Variants in ENAH observed in about 807,000 individuals in gnomAD.
ENAH encodes the protein ENAH actin regulator.
In ENAH, 23 loss-of-function variants were observed where a neutral mutation model predicts 78.7. The observed-to-expected ratio is 0.29, with a 90% CI of 0.21 to 0.41. The LOEUF (loss-of-function observed/expected upper bound fraction) is 0.41. Among genes scored for constraint, ENAH ranks in the 10% least tolerant of loss-of-function variants. The probability of loss-of-function intolerance (pLI) is 1.00; values close to 1 mark genes in which losing one functional copy is unlikely to be tolerated. For missense variants in ENAH, 544 were observed against 691.0 expected, an observed-to-expected ratio of 0.79 and a Z score of 2.39; for synonymous variants, 226 against 241.0, an observed-to-expected ratio of 0.94 and a Z score of 0.58.
chr1:225,643,465 C>G (rs1661439750), intron 1 of ENAH, among the ~76,000 whole-genome samples: 1 of 151,598 alleles, frequency 6.6e-6, no homozygotes, highest in South Asian at 2.1e-4. Flanking sequence ...AAAACAGTAT[C>G]AGATATGTAC....
intron 1 of ENAH, chr1:225,652,286 C>A (rs1427143310): frequency 1.0e-6 from 1 of 965,740 alleles, no homozygotes; most frequent in African/African-American, 1.8e-5. Context: ...GGCAAAAGTG[C>A]ATGAAATTTT....
intron 1 of ENAH, among the ~76,000 whole-genome samples, chr1:225,596,468 TAGG>T (rs1266389029): frequency 1.3e-5 from 2 of 152,030 alleles, no homozygotes; most frequent in Non-Finnish European, 2.9e-5. Flanking sequence ...ATTACAAAAC[TAGG>T]AGGACCACAT....
intron 1 of ENAH, among the ~76,000 whole-genome samples, chr1:225,606,953 T>C (rs2096959213): frequency 6.6e-6 from 1 of 151,834 alleles, no homozygotes; most frequent in Non-Finnish European, 1.5e-5. Context: ...CCCAAGGTCC[T>C]GAATAATGCA....
chr1:225,608,956 G>A (rs1313117810), intron 1 of ENAH, among the ~76,000 whole-genome samples: 1 of 151,446 alleles, frequency 6.6e-6, no homozygotes, highest in Admixed American at 6.6e-5. Context: ...ACCTTGACTT[G>A]TAAATACAGC....
chr1:225,520,930 G>A (rs531305388), intron 4 of ENAH, among the ~76,000 whole-genome samples: 12 of 658 alleles, frequency 0.018, no homozygotes, highest in African/African-American at 0.023. Flanking sequence ...GGAAGGGAGG[G>A]AGGGAGGGAG....
At chr1:225,553,584 AAAAG>A (rs966455152) in intron 3 of ENAH, among the ~76,000 whole-genome samples, 1 of 152,192 alleles carries the variant, frequency 6.6e-6, no homozygotes, top group Non-Finnish European at 1.5e-5. Context: ...GAAAAAAAAA[AAAAG>A]AATCACAATT....
chr1:225,592,069 G>A (rs1575640512), intron 1 of ENAH, among the ~76,000 whole-genome samples: 1 of 152,124 alleles, frequency 6.6e-6, no homozygotes, highest in Non-Finnish European at 1.5e-5. Context: ...TGTACATGAA[G>A]CATTCAAGTA....
intron 2 of ENAH, among the ~76,000 whole-genome samples, chr1:225,565,116 AT>A (rs2096728103): frequency 6.6e-6 from 1 of 152,146 alleles, no homozygotes; most frequent in African/African-American, 2.4e-5. Context: ...AAATTTTGGT[AT>A]TTCATATGCA....
intron 5 of ENAH, among the ~76,000 whole-genome samples, chr1:225,518,249 A>T (rs1266879821): frequency 6.6e-6 from 1 of 152,262 alleles, no homozygotes; most frequent in Non-Finnish European, 1.5e-5. Context: ...TTAATTGACT[A>T]ATTTCTTTTA....
At position 225,535,773 on chromosome 1, in the gene ENAH, G is replaced by A. The variant is rs1330979608; in HGVS notation, c.350-5135C>T. ...AAAATTTATGCAATCGTTTTTTGGT[G>A]GAAAAACCCTGTAAGCAGCCATAGA... On this transcript the variant is annotated intron_variant, in intron 3 of 13. Coordinates refer to ENST00000366843, the MANE Select transcript of ENAH (RefSeq NM_018212.6). Among the ~76,000 whole-genome samples the A allele has an allele frequency of 4.0e-4, 61 of 151,994 alleles. 1 individual carries two copies. Among genetic ancestry groups the A allele is most frequent in the Non-Finnish European group, 4.4e-5 (3 of 67,982 alleles).
chr1:225,622,632 C>T (rs1402515124), intron 1 of ENAH, among the ~76,000 whole-genome samples: 1 of 152,096 alleles, frequency 6.6e-6, no homozygotes, highest in Non-Finnish European at 1.5e-5. Context: ...TCATGGATGG[C>T]ACCTTCTATT....
chr1:225,510,913 T>TG (rs1180108431), intron 10 of ENAH, among the ~76,000 whole-genome samples: 2 of 151,664 alleles, frequency 1.3e-5, no homozygotes, highest in African/African-American at 2.4e-5. Context: ...CTTAGGGGGC[T>TG]GGGGGGCTAA....
intron 1 of ENAH, among the ~76,000 whole-genome samples, chr1:225,616,197 G>T (rs997801994): frequency 6.6e-6 from 1 of 151,806 alleles, no homozygotes; most frequent in Non-Finnish European, 1.5e-5. Flanking sequence ...ACTGCGGAAG[G>T]CCGCAGGGTC....
intron 1 of ENAH, chr1:225,581,439 G>T: frequency 5.5e-6 from 1 of 180,602 alleles, no homozygotes; most frequent in Non-Finnish European, 1.1e-5. Context: ...TGGAGTGGGA[G>T]TGGAGGGTGG....
intron 4 of ENAH, among the ~76,000 whole-genome samples, chr1:225,524,069 T>C (rs952774830): frequency 7.9e-5 from 12 of 152,202 alleles, no homozygotes; most frequent in African/African-American, 2.7e-4. Flanking sequence ...GAAACAATTA[T>C]AGTGCAAATC....
intron 5 of ENAH, 62 bp downstream of exon 5, chr1:225,519,136 T>C: frequency 6.4e-7 from 1 of 1,568,136 alleles, no homozygotes; most frequent in South Asian, 1.2e-5. Flanking sequence ...AACACATGAC[T>C]GCACAAGAGA....
chr1:225,625,625 C>T lies in ENAH; in HGVS notation c.5+27061G>A, dbSNP rs143402106. Among the ~76,000 whole-genome samples the T allele has an allele frequency of 4.3e-3, 658 of 152,262 alleles. 2 individuals carry two copies. Among genetic ancestry groups the T allele is most frequent in the Non-Finnish European group, 6.7e-3 (454 of 68,012 alleles). On this transcript the variant is annotated intron_variant, in intron 1 of 13. Coordinates refer to ENST00000366843, the MANE Select transcript of ENAH (RefSeq NM_018212.6). ...CCAACCTCCACCTCCTGGGTTCAAG[C>T]GATTCTCAGCCTCCCAACTAGCTAG...
rs1223747114 is a variant in ENAH, at chr1:225,506,566, T to G, written c.1538+1385A>C. 1.4e-4 allele frequency among the ~76,000 whole-genome samples: 22 copies of G among 152,336 alleles called. No individual in the cohort carries two copies. In the East Asian group the frequency reaches 4.0e-3, roughly 28 times the overall value. On this transcript the variant is annotated intron_variant, in intron 11 of 13. Transcript: ENST00000366843. ...AAATCCGTAACTAGTAGAGATGTGT[T>G]AGAAGGCCATCTCAGTTAGGAGTCT...
intron 2 of ENAH, among the ~76,000 whole-genome samples, chr1:225,558,630 T>TTG (rs1232711339): frequency 2.4e-5 from 3 of 122,486 alleles, no homozygotes; most frequent in African/African-American, 1.0e-4. Flanking sequence ...TTTCTGCCTT[T>TTG]TTTTTTTTTT....
Sources: allele counts gnomAD v4.1 joint callset (sites outside exome capture counted in the v4.1 genomes callset), GRCh38; gene constraint gnomAD v4.1.1; transcripts MANE v1.5; gene names NCBI Gene and HGNC (gene_info 2026-07-23, HGNC 2026-07-21).